The following TLE4 variants were observed in gnomAD, a reference collection of about 807,000 sequenced individuals.
TLE4 encodes transducin-like enhancer protein 4.
Under a neutral mutation model 92.8 loss-of-function variants are expected in TLE4, and 8 were observed. The ratio of observed to expected loss-of-function variants is 0.09; its 90% CI spans 0.05 to 0.16. TLE4 has a LOEUF of 0.16. Among genes scored for constraint, TLE4 ranks in the 10% least tolerant of loss-of-function variants. The probability of loss-of-function intolerance (pLI) is 1.00; values close to 1 mark genes in which losing one functional copy is unlikely to be tolerated. For synonymous variants in TLE4, 371 were observed against 374.1 expected (o/e 0.99, Z 0.10); for missense variants, 675 against 997.6 (o/e 0.68, Z 4.36).
At chr9:79,713,488 G>A (rs1051273278) in intron 14 of TLE4, among the ~76,000 whole-genome samples, 1 of 152,238 alleles carries the variant, frequency 6.6e-6, no homozygotes, top group Non-Finnish European at 1.5e-5. Flanking sequence ...AGGAGGTCAG[G>A]TCACTCTATT....
intron 6 of TLE4, among the ~76,000 whole-genome samples, chr9:79,650,596 T>C (rs1587818382): frequency 6.6e-6 from 1 of 152,196 alleles, no homozygotes. Flanking sequence ...GCATACTTTT[T>C]GATCCCCACT....
chr9:79,675,842 T>C (rs1053267001), intron 8 of TLE4, among the ~76,000 whole-genome samples: 2 of 152,160 alleles, frequency 1.3e-5, no homozygotes, highest in African/African-American at 4.8e-5. Context: ...AGAAGTGTTT[T>C]GGATTTTGGT....
intron 5 of TLE4, among the ~76,000 whole-genome samples, chr9:79,623,043 G>GT (rs934806818): frequency 3.1e-4 from 47 of 152,014 alleles, no homozygotes; most frequent in African/African-American, 1.1e-3. Flanking sequence ...CTTTTTAAAT[G>GT]TTTTTTTAAA....
chr9:79,672,025 G>A (rs1404374697), intron 8 of TLE4, among the ~76,000 whole-genome samples: 1 of 19,256 alleles, frequency 5.2e-5, no homozygotes, highest in African/African-American at 3.3e-4. Flanking sequence ...TTTTTTTTTT[G>A]CAGAGGTGGT....
intron 6 of TLE4, among the ~76,000 whole-genome samples, chr9:79,642,362 C>T (rs2057335808): frequency 6.6e-6 from 1 of 151,890 alleles, no homozygotes; most frequent in East Asian, 1.9e-4. Flanking sequence ...CTCAAGTGAT[C>T]CTCCTGCCTC....
intron 17 of TLE4, 144 bp downstream of exon 17, chr9:79,722,032 G>T: frequency 1.6e-6 from 2 of 1,238,558 alleles, no homozygotes; most frequent in African/African-American, 1.5e-5. Flanking sequence ...GGGCATGGTG[G>T]CATGTGCCTG....
intron 9 of TLE4, among the ~76,000 whole-genome samples, chr9:79,705,415 C>T (rs937400487): frequency 2.0e-5 from 3 of 152,192 alleles, no homozygotes; most frequent in African/African-American, 7.2e-5. Context: ...CTGGATGGAG[C>T]AGTGTGGAGG....
At position 79,588,427 on chromosome 9, in the gene TLE4, G is replaced by A. The variant is rs112180550; in HGVS notation, c.252+12250G>A. Among the ~76,000 whole-genome samples, 1,041 of 152,260 alleles carry A rather than the reference G, an allele frequency of 6.8e-3. 8 individuals are homozygous for A. The highest frequency in any genetic ancestry group is 0.024 in the African/African-American group (989 of 41,528). ...GCCTCCCAAAATGCTGGGATTACAGGTGTGAGCCACCGCGCCCGGCCTATC... is the reference window on the plus strand; with the variant it reads ...GCCTCCCAAAATGCTGGGATTACAGATGTGAGCCACCGCGCCCGGCCTATC... On this transcript the variant is annotated intron_variant, in intron 4 of 19. Coordinates refer to ENST00000376552, the MANE Select transcript of TLE4 (RefSeq NM_007005.6).
At chr9:79,644,202 C>T (rs916159035) in intron 6 of TLE4, among the ~76,000 whole-genome samples, 1 of 152,102 alleles carries the variant, frequency 6.6e-6, no homozygotes, top group African/African-American at 2.4e-5. Context: ...AGGGGCTTCC[C>T]CCTTCACTCG....
In TLE4 at chr9:79,629,915, C is replaced by T. The variant is rs1330099261; in HGVS notation, c.390+2467C>T. Among the ~76,000 whole-genome samples the T allele has an allele frequency of 5.9e-5, 9 of 152,228 alleles. No homozygotes were observed. In the East Asian group the frequency reaches 9.7e-4, roughly 16 times the overall value. ...CACTTGCTGTTCTCTGTCCCTTGAG[C>T]GTAGATGGCTGGCTGAGTTGGTGGT... On this transcript the variant is annotated intron_variant, in intron 6 of 19. Coordinates refer to ENST00000376552, the MANE Select transcript of TLE4 (RefSeq NM_007005.6).
chr9:79,723,573 G>A (rs376360644), intron 19 of TLE4, among the ~76,000 whole-genome samples: 9 of 152,092 alleles, frequency 5.9e-5, no homozygotes, highest in Non-Finnish European at 1.3e-4. Flanking sequence ...ATATGCACGC[G>A]TGCACACACA....
At chr9:79,682,661 T>C (rs2064966692) in intron 8 of TLE4, among the ~76,000 whole-genome samples, 2 of 152,168 alleles carry the variant, frequency 1.3e-5, no homozygotes, top group Admixed American at 6.6e-5. Flanking sequence ...AATTAAGCCA[T>C]GAAACTCAGT....
intron 5 of TLE4, among the ~76,000 whole-genome samples, chr9:79,626,888 T>C (rs528401175): frequency 6.6e-6 from 1 of 152,290 alleles, no homozygotes; most frequent in East Asian, 1.9e-4. Flanking sequence ...CCAGAAGAAA[T>C]ATGTATGTTG....
At chr9:79,646,587 A>G (rs1238957433) in intron 6 of TLE4, among the ~76,000 whole-genome samples, 1 of 152,172 alleles carries the variant, frequency 6.6e-6, no homozygotes, top group Non-Finnish European at 1.5e-5. Context: ...GTTTTCTAAT[A>G]TGTTTTATTG....
chr9:79,590,043 C>G (rs2042153646), intron 4 of TLE4, among the ~76,000 whole-genome samples: 2 of 152,056 alleles, frequency 1.3e-5, no homozygotes, highest in Non-Finnish European at 2.9e-5. Context: ...GACTTCTTTT[C>G]CCCCAACAAA....
chr9:79,714,774 G>A (rs528262532), intron 14 of TLE4, among the ~76,000 whole-genome samples: 13 of 152,210 alleles, frequency 8.5e-5, no homozygotes, highest in East Asian at 1.9e-4. Flanking sequence ...TGACGTTTGC[G>A]TCAGAGTATA....
chr9:79,653,641 C>G (rs745870972), intron 7 of TLE4, among the ~76,000 whole-genome samples: 1 of 152,150 alleles, frequency 6.6e-6, no homozygotes. Context: ...GCTCATACCC[C>G]TGTTTCAGCA....
rs2059207739 is a variant in TLE4 at position 79,652,665 on chromosome 9, C to T, written c.463C>T (p.Leu155Phe). The change falls in exon 7 of 20, where the codon CTC becomes TTC. Residue 155 changes from leucine to phenylalanine, a missense_variant. By Grantham distance (22) the Leu-to-Phe change is conservative. Coordinates refer to ENST00000376552, the MANE Select transcript of TLE4 (RefSeq NM_007005.6). ...ACCTCTGACTCCACACCCTTCAGGG[C>T]TCCAGCCCCCTGCCATTCCACCCAT... Reference protein sequence around the residue: ...PVPLTPHPSGLQPPAIPPIGS... With the variant: ...PVPLTPHPSGFQPPAIPPIGS... The T allele has an allele frequency of 3.7e-6, 6 of 1,614,094 alleles. No homozygotes were observed. The highest frequency in any genetic ancestry group is 4.2e-6 in the Non-Finnish European group (5 of 1,180,032).
At chr9:79,642,258 A>T (rs954353112) in intron 6 of TLE4, among the ~76,000 whole-genome samples, 1 of 151,986 alleles carries the variant, frequency 6.6e-6, no homozygotes, top group Non-Finnish European at 1.5e-5. Context: ...AAGAAGAAGA[A>T]ATTAGAGATG....
Sources: allele counts gnomAD v4.1 joint callset (sites outside exome capture counted in the v4.1 genomes callset), GRCh38; gene constraint gnomAD v4.1.1; transcripts MANE v1.5; gene names NCBI Gene and HGNC (gene_info 2026-07-23, HGNC 2026-07-21).